The following N4BP2 variants were observed in gnomAD, a reference collection of about 807,000 sequenced individuals.
N4BP2 encodes NEDD4 binding protein 2.
N4BP2 carries 91 observed loss-of-function variants against 152.8 expected under a neutral mutation model. The ratio of observed to expected loss-of-function variants is 0.60; its 90% CI spans 0.50 to 0.71. N4BP2 has a LOEUF of 0.71. N4BP2 is among the 30% of genes least tolerant of loss of function. The pLI, the probability that N4BP2 is intolerant of heterozygous loss-of-function variation, is 0.00. For synonymous variants in N4BP2, 646 were observed against 705.3 expected, an observed-to-expected ratio of 0.92 and a Z score of 1.33; for missense variants, 1,923 against 2,059.1, an observed-to-expected ratio of 0.93 and a Z score of 1.28.
intron 16 of N4BP2, among the ~76,000 whole-genome samples, chr4:40,150,184 G>C (rs10031722): frequency 0.33 from 50,728 of 151,826 alleles, 8,619 homozygotes; most frequent in South Asian, 0.48. Flanking sequence ...AAAAAAGAGA[G>C]ACATCTGGAC....
rs892868366 is a variant in N4BP2, at chr4:40,092,631, C to A, written c.-114-4596C>A. On this transcript the variant is annotated intron_variant, in intron 2 of 17. Transcript: ENST00000261435. ...TTCTGTTTCCAATGTTTGTTATCTG[C>A]TATTTATTATTTCCTTTTTTTTTTT... is the stretch of plus-strand genomic sequence containing the variant. Among the ~76,000 whole-genome samples, 3 of 142,166 alleles carry A rather than the reference C, an allele frequency of 2.1e-5. No individual in the cohort carries two copies. In the Admixed American group the frequency reaches 2.3e-4, roughly 11 times the overall value. 93.3% of individuals were successfully genotyped at this position (142,166 alleles called of 152,430 possible). A position where few individuals can be genotyped will look rare whatever the true frequency, so the allele number is the denominator to read the frequency against.
In N4BP2 at chr4:40,103,081, A is replaced by T; in HGVS notation, c.1236A>T (p.Arg412Ser). The change falls in exon 4 of 18, where the codon AGA (arginine) becomes AGT (serine). Residue 412 changes from arginine (R) to serine (S), a missense_variant. Transcript: ENST00000261435. ...ACACTTCCCCAACAAAAGTATGGAGAAATAAAGATGGAACAAGTGCTTATC... is the reference window on the plus strand; with the variant it reads ...ACACTTCCCCAACAAAAGTATGGAGTAATAAAGATGGAACAAGTGCTTATC... ...ISHTSPTKVW[R>S]NKDGTSAYQV... 6.2e-7 allele frequency: 1 copy of T among 1,614,170 alleles called. No individual in the cohort carries two copies. The highest frequency in any genetic ancestry group is 8.5e-7 in the Non-Finnish European group (1 of 1,180,026).
intron 16 of N4BP2, among the ~76,000 whole-genome samples, chr4:40,151,047 A>G (rs1488998844): frequency 6.6e-6 from 1 of 152,258 alleles, no homozygotes; most frequent in Non-Finnish European, 1.5e-5. Context: ...GGCGTTAAAC[A>G]GCAAGAACAG....
the N4BP2 span, among the ~76,000 whole-genome samples, chr4:40,178,438 GAAAA>G: frequency 6.8e-6 from 1 of 147,338 alleles, no homozygotes; most frequent in Admixed American, 6.8e-5. Context: ...AAAAAAAAAA[GAAAA>G]GAAAAACCTT....
Position 40,102,733 on chromosome 4 carries a change from C to T in N4BP2, c.888C>T (p.Asn296=), listed in dbSNP as rs1415616551. The T allele has an allele frequency of 1.2e-6, 2 of 1,614,152 alleles. No individual in the cohort carries two copies. Among genetic ancestry groups the T allele is most frequent in the South Asian group, 2.2e-5 (2 of 91,070 alleles). ...CCAGTGAACCTCAGGCTTGTTTAAA[C>T]CTTCCAGGGCTTGATTTACCAGGTA... ...LDASEPQACL[N]LPGLDLPGTG... The change falls in exon 4 of 18, where the codon AAC becomes AAT. Residue 296 remains asparagine, a synonymous_variant. Transcript: ENST00000261435.
intron 4 of N4BP2, among the ~76,000 whole-genome samples, chr4:40,104,105 A>G (rs973329641): frequency 4.6e-5 from 7 of 151,506 alleles, no homozygotes; most frequent in African/African-American, 1.5e-4. Context: ...GGCGCCCACC[A>G]CCACGCCCAG....
intron 12 of N4BP2, among the ~76,000 whole-genome samples, chr4:40,131,500 A>G (rs1718898892): frequency 6.6e-6 from 1 of 152,168 alleles, no homozygotes; most frequent in East Asian, 1.9e-4. Context: ...TGTGTTGGAT[A>G]TGCATGTGTG....
chr4:40,124,987 T>C (rs1407060526), intron 11 of N4BP2, among the ~76,000 whole-genome samples: 4 of 152,216 alleles, frequency 2.6e-5, no homozygotes, highest in Admixed American at 6.5e-5. Context: ...TTCTCTTAGA[T>C]AGTGTTGTCT....
intron 5 of N4BP2, among the ~76,000 whole-genome samples, chr4:40,107,331 C>T (rs940104311): frequency 6.6e-6 from 1 of 152,012 alleles, no homozygotes; most frequent in Non-Finnish European, 1.5e-5. Context: ...CTCTCTTAGC[C>T]TCCCAAAGTG....
chr4:40,100,416 G>A (rs1402715876), intron 3 of N4BP2, among the ~76,000 whole-genome samples: 4 of 142,614 alleles, frequency 2.8e-5, no homozygotes, highest in Non-Finnish European at 5.9e-5. Flanking sequence ...TCACTCAGTC[G>A]CCCAGGCTGG....
At chr4:40,094,586 G>T (rs1217065772) in intron 2 of N4BP2, among the ~76,000 whole-genome samples, 1 of 151,604 alleles carries the variant, frequency 6.6e-6, no homozygotes, top group Admixed American at 6.6e-5. Flanking sequence ...ATGGAGTTTC[G>T]CTCTTGTTGC....
At chr4:40,176,073 G>A in the N4BP2 span, among the ~76,000 whole-genome samples, 2 of 139,562 alleles carry the variant, frequency 1.4e-5, no homozygotes, top group African/African-American at 2.7e-5. Context: ...CTGGGCGACA[G>A]AGCGAGACTC....
At position 40,102,744 on chromosome 4, in the gene N4BP2, T is replaced by C; in HGVS notation, c.899T>C (p.Leu300Pro). The C allele has an allele frequency of 1.2e-6, 2 of 1,614,212 alleles. No homozygotes were observed. Among genetic ancestry groups the C allele is most frequent in the Non-Finnish European group, 1.7e-6 (2 of 1,180,026 alleles). The change falls in exon 4 of 18, where the codon CTT (leucine) becomes CCT (proline). Residue 300 changes from leucine (L) to proline (P), a missense_variant. By Grantham distance (98) the Leu-to-Pro change is moderately conservative. Transcript: ENST00000261435. The stretch of plus-strand genomic sequence containing the variant: ...CAGGCTTGTTTAAACCTTCCAGGGC[T>C]TGATTTACCAGGTACAGGTGGGGAT... ...EPQACLNLPG[L>P]DLPGTGGDQK...
chr4:40,163,816 C>G, the N4BP2 span, among the ~76,000 whole-genome samples: 1 of 152,198 alleles, frequency 6.6e-6, no homozygotes, highest in Admixed American at 6.5e-5. Flanking sequence ...TGTGTTACAC[C>G]TGGAAGCATC....
intron 3 of N4BP2, among the ~76,000 whole-genome samples, chr4:40,101,587 T>C (rs920264823): frequency 2.6e-5 from 4 of 152,234 alleles, no homozygotes; most frequent in Non-Finnish European, 5.9e-5. Context: ...ATTTCTGATA[T>C]GCAGTACATG....
At chr4:40,079,075 C>T (rs1475485744) in intron 2 of N4BP2, among the ~76,000 whole-genome samples, 1 of 152,024 alleles carries the variant, frequency 6.6e-6, no homozygotes, top group Non-Finnish European at 1.5e-5. Flanking sequence ...GTGTGCACCA[C>T]CACACTCGGC....
At position 40,154,575 on chromosome 4, in the gene N4BP2, C is replaced by CTTT. The variant is rs1721445529; in HGVS notation, c.*339_*340insTTT. The CTTT allele has an allele frequency of 4.8e-6, 1 of 209,792 alleles. No individual in the cohort carries two copies. 13.0% of individuals were successfully genotyped at this position (209,792 alleles called of 1,614,324 possible). A position where few individuals can be genotyped will look rare whatever the true frequency, so the allele number is the denominator to read the frequency against. ...TTGTTGTATGACATTTAGTAATGTC[C>CTTT]TAAAAGTCTTTTGTGAGAGGTATTT... On this transcript the variant is annotated 3_prime_UTR_variant, in exon 18 of 18. Transcript: ENST00000261435.
intron 4 of N4BP2, 76 bp from the exon 5 acceptor site, chr4:40,106,824 T>C: frequency 7.1e-7 from 1 of 1,407,494 alleles, no homozygotes; most frequent in South Asian, 1.3e-5. Context: ...ATTTATTTTG[T>C]TTATGACTTT....
chr4:40,068,874 T>A (rs1443733536), intron 1 of N4BP2, among the ~76,000 whole-genome samples: 2 of 152,322 alleles, frequency 1.3e-5, no homozygotes, highest in East Asian at 3.9e-4. Flanking sequence ...ATCTCAGCAC[T>A]TTGGGAGACC....
Sources: gnomAD v4.1 joint callset for allele counts (sites outside exome capture counted in the v4.1 genomes callset) on GRCh38, gnomAD v4.1.1 for gene constraint, MANE v1.5 for transcripts, NCBI Gene and HGNC (gene_info 2026-07-23, HGNC 2026-07-21) for gene names.